The following ETV6 variants were observed in gnomAD, a reference collection of about 807,000 sequenced individuals.
ETV6 encodes ETS variant transcription factor 6, also known as transcription factor ETV6.
Under a neutral mutation model 51.1 loss-of-function variants are expected in ETV6, and 16 were observed. The observed-to-expected ratio is 0.31, with a 90% CI of 0.21 to 0.48. ETV6 has a LOEUF of 0.48. Among genes scored for constraint, ETV6 ranks in the 20% least tolerant of loss-of-function variants. ETV6 has a pLI of 0.99. For missense variants in ETV6, 458 were observed against 594.8 expected (o/e 0.77, Z 2.39); for synonymous variants, 240 against 224.1 (o/e 1.07, Z -0.64).
chr12:11,658,228 G>C (rs1277663359), intron 1 of ETV6, among the ~76,000 whole-genome samples: 1 of 152,242 alleles, frequency 6.6e-6, no homozygotes, highest in African/African-American at 2.4e-5. Context: ...GAGGCCAGGG[G>C]ATGGTTTGTT....
At chr12:11,806,898 T>C (rs1037887589) in intron 2 of ETV6, among the ~76,000 whole-genome samples, 1 of 152,238 alleles carries the variant, frequency 6.6e-6, no homozygotes, top group Non-Finnish European at 1.5e-5. Context: ...GAAATCAGCA[T>C]GAACTCATGA....
intron 1 of ETV6, among the ~76,000 whole-genome samples, chr12:11,651,299 G>A (rs752466531): frequency 1.4e-4 from 21 of 152,252 alleles, no homozygotes; most frequent in Admixed American, 4.6e-4. Context: ...TTCGTCTGTG[G>A]GGAGTTAGAA....
intron 2 of ETV6, among the ~76,000 whole-genome samples, chr12:11,810,087 G>A (rs530055243): frequency 6.6e-6 from 1 of 152,174 alleles, no homozygotes; most frequent in South Asian, 2.1e-4. Context: ...CCAAAGTGCT[G>A]GGATTACAGG....
Position 11,809,816 on chromosome 12 carries a change from T to G in ETV6, c.164-29324T>G, listed in dbSNP as rs1384733193. ...GGGGAGGGAATAGAGCTTCTGCTTT[T>G]TTTTTTTTTTTTTTTTTTTTTTGGA... On this transcript the variant is annotated intron_variant, in intron 2 of 7. Coordinates refer to ENST00000396373, the MANE Select transcript of ETV6 (RefSeq NM_001987.5). Among the ~76,000 whole-genome samples, 9 of 137,030 alleles carry G rather than the reference T, an allele frequency of 6.6e-5. No homozygotes were observed. The East Asian group carries it at 1.9e-3, about 28-fold the overall frequency. The allele number at this position is 137,030 out of a possible 152,430, so 89.9% of individuals were successfully genotyped here. A position where few individuals can be genotyped will look rare whatever the true frequency, so the allele number is the denominator to read the frequency against.
intron 2 of ETV6, among the ~76,000 whole-genome samples, chr12:11,778,651 GGTA>G (rs1945369840): frequency 6.6e-6 from 1 of 152,062 alleles, no homozygotes; most frequent in Non-Finnish European, 1.5e-5. Flanking sequence ...GGAAGAGAAA[GGTA>G]ACTCCCTTGT....
intron 1 of ETV6, among the ~76,000 whole-genome samples, chr12:11,656,906 T>C (rs772982025): frequency 3.3e-5 from 5 of 152,146 alleles, no homozygotes; most frequent in Non-Finnish European, 7.3e-5. Context: ...CTCATGTACA[T>C]CTTTAATATT....
intron 2 of ETV6, among the ~76,000 whole-genome samples, chr12:11,820,446 A>G (rs1489591907): frequency 1.3e-5 from 2 of 152,216 alleles, no homozygotes; most frequent in Non-Finnish European, 2.9e-5. Flanking sequence ...TTAGGGATGA[A>G]TGCTAAGAGA....
chr12:11,836,876 C>T (rs1156794429), intron 2 of ETV6, among the ~76,000 whole-genome samples: 7 of 152,214 alleles, frequency 4.6e-5, no homozygotes, highest in African/African-American at 1.4e-4. Flanking sequence ...GACCTCTCAC[C>T]TCCAGGCACC....
chr12:11,687,689 C>T (rs1031515066), intron 1 of ETV6, among the ~76,000 whole-genome samples: 20 of 152,200 alleles, frequency 1.3e-4, no homozygotes, highest in Non-Finnish European at 2.8e-4. Flanking sequence ...ATTTAAGATA[C>T]TTTCAAGCAT....
intron 3 of ETV6, among the ~76,000 whole-genome samples, chr12:11,850,008 C>G (rs976485064): frequency 6.6e-6 from 1 of 152,190 alleles, no homozygotes; most frequent in Non-Finnish European, 1.5e-5. Flanking sequence ...TGGACTGACT[C>G]AGCTAAGGCC....
intron 2 of ETV6, among the ~76,000 whole-genome samples, chr12:11,767,268 A>G (rs1945176212): frequency 6.6e-6 from 1 of 152,154 alleles, no homozygotes; most frequent in Non-Finnish European, 1.5e-5. Context: ...CCTTTTTCAC[A>G]TTGTTGTGAG....
intron 1 of ETV6, among the ~76,000 whole-genome samples, chr12:11,662,190 T>C (rs1184739852): frequency 6.6e-6 from 1 of 152,190 alleles, no homozygotes; most frequent in African/African-American, 2.4e-5. Context: ...TATTTACTTA[T>C]CTTTTGGGTG....
chr12:11,788,124 A>G (rs147681187), intron 2 of ETV6, among the ~76,000 whole-genome samples: 1 of 152,352 alleles, frequency 6.6e-6, no homozygotes, highest in Non-Finnish European at 1.5e-5. Context: ...GCCTAAGAAT[A>G]AATTGTTTCT....
intron 1 of ETV6, among the ~76,000 whole-genome samples, chr12:11,677,229 A>G (rs1024462262): frequency 6.6e-6 from 1 of 152,200 alleles, no homozygotes; most frequent in African/African-American, 2.4e-5. Context: ...AAAGAAGAAC[A>G]AGATAGATGG....
At chr12:11,888,931 G>A (rs1271356628) in intron 7 of ETV6, among the ~76,000 whole-genome samples, 1 of 152,098 alleles carries the variant, frequency 6.6e-6, no homozygotes, top group East Asian at 1.9e-4. Context: ...GATTAGGGAT[G>A]CTCAGCCTGT....
At chr12:11,828,264 A>G (rs528020375) in intron 2 of ETV6, among the ~76,000 whole-genome samples, 1 of 152,310 alleles carries the variant, frequency 6.6e-6, no homozygotes, top group East Asian at 1.9e-4. Flanking sequence ...ATTTGCAGTG[A>G]TTGACCCTAA....
intron 1 of ETV6, among the ~76,000 whole-genome samples, chr12:11,668,669 GT>G (rs1864244712): frequency 6.6e-6 from 1 of 152,198 alleles, no homozygotes; most frequent in Non-Finnish European, 1.5e-5. Flanking sequence ...CTGGATGAAA[GT>G]TGCAAGGACA....
intron 5 of ETV6, among the ~76,000 whole-genome samples, chr12:11,870,342 G>A (rs1426525146): frequency 6.6e-6 from 1 of 152,130 alleles, no homozygotes; most frequent in Non-Finnish European, 1.5e-5. Context: ...GCATAAAGAA[G>A]CTTTGTCTCA....
chr12:11,791,410 A>G (rs762719), intron 2 of ETV6, among the ~76,000 whole-genome samples: 2,091 of 152,324 alleles, frequency 0.014, 21 homozygotes, highest in Non-Finnish European at 0.021. Context: ...GTTCATGTGT[A>G]TGTCAAACTA....
Sources: gnomAD v4.1 joint callset for allele counts (sites outside exome capture counted in the v4.1 genomes callset) on GRCh38, gnomAD v4.1.1 for gene constraint, MANE v1.5 for transcripts, NCBI Gene and HGNC (gene_info 2026-07-23, HGNC 2026-07-21) for gene names.